Variants in SLC27A2 observed in about 807,000 individuals in gnomAD.
SLC27A2 encodes long-chain fatty acid transport protein 2.
Under a neutral mutation model 60.0 loss-of-function variants are expected in SLC27A2, and 54 were observed. The ratio of observed to expected loss-of-function variants is 0.90; its 90% confidence interval spans 0.72 to 1.13. The LOEUF (loss-of-function observed/expected upper bound fraction) is 1.13. Ranked by LOEUF, SLC27A2 falls within the 50% of genes most tolerant of loss-of-function variation. The probability of loss-of-function intolerance (pLI) is 0.00; values close to 1 mark genes in which losing one functional copy is unlikely to be tolerated. For synonymous variants in SLC27A2, 297 were observed against 297.6 expected (o/e 1.00, Z 0.02); for missense variants, 739 against 777.6 (o/e 0.95, Z 0.59).
chr15:50,193,579 T>C (rs1208131053), intron 1 of SLC27A2, among the ~76,000 whole-genome samples: 2 of 152,198 alleles, frequency 1.3e-5, no homozygotes, highest in African/African-American at 4.8e-5. Flanking sequence ...TGTTTTAAAA[T>C]TTGCCTCTGT....
chr15:50,233,134 T>G (rs1377790281), intron 8 of SLC27A2, among the ~76,000 whole-genome samples: 3 of 152,188 alleles, frequency 2.0e-5, no homozygotes, highest in African/African-American at 7.2e-5. Flanking sequence ...CTCTTGGGAC[T>G]AATGGGCCTT....
rs78362296 is a variant in SLC27A2, at chr15:50,197,429, C to G, written c.479-71C>G. 2.2e-3 allele frequency: 2,475 copies of G among 1,150,272 alleles called. 43 individuals carry two copies. The African/African-American group carries it at 0.034, about 16-fold the overall frequency. 71.3% of individuals were successfully genotyped at this position (1,150,272 alleles called of 1,614,324 possible). On this transcript the variant is annotated intron_variant, in intron 1 of 9. Transcript: ENST00000267842. ...TTATGCTGAAAATAAAATTATGATG[C>G]TTGTTGAAGCACTAATAGAACTTTA... is the stretch of plus-strand genomic sequence containing the variant.
In SLC27A2 at chr15:50,225,064, C is replaced by T. The variant is rs1364833665; in HGVS notation, c.1168-924C>T. ...TTGATGTAGAAAAGAACATTTATTA[C>T]TACCTATAAATTTTTTACATTCCTG... On this transcript the variant is annotated intron_variant, in intron 5 of 9. Transcript: ENST00000267842. Among the ~76,000 whole-genome samples the T allele has an allele frequency of 2.6e-5, 4 of 152,014 alleles. No homozygotes were observed. In the East Asian group the frequency reaches 7.7e-4, roughly 29 times the overall value.
At chr15:50,215,838 A>T (rs2045191071) in intron 4 of SLC27A2, among the ~76,000 whole-genome samples, 1 of 152,240 alleles carries the variant, frequency 6.6e-6, no homozygotes, top group South Asian at 2.1e-4. Flanking sequence ...CTTAAACCTG[A>T]CACGCGAAAC....
chr15:50,210,402 C>A (rs1258349259), intron 4 of SLC27A2, among the ~76,000 whole-genome samples: 2 of 152,196 alleles, frequency 1.3e-5, no homozygotes, highest in African/African-American at 4.8e-5. Flanking sequence ...TGTAGAACTT[C>A]CCGACTTTAC....
intron 4 of SLC27A2, among the ~76,000 whole-genome samples, chr15:50,217,582 G>C (rs547423504): frequency 6.6e-6 from 1 of 152,220 alleles, no homozygotes; most frequent in East Asian, 1.9e-4. Flanking sequence ...TGGGCTCACT[G>C]CCTCGTCAAC....
chr15:50,200,185 T>C (rs984828520), intron 2 of SLC27A2, among the ~76,000 whole-genome samples: 3 of 152,180 alleles, frequency 2.0e-5, no homozygotes, highest in Non-Finnish European at 2.9e-5. Flanking sequence ...TCTCAACACT[T>C]TGGGGCCAAG....
At chr15:50,215,581 T>G (rs916708851) in intron 4 of SLC27A2, among the ~76,000 whole-genome samples, 3 of 152,194 alleles carry the variant, frequency 2.0e-5, no homozygotes, top group Admixed American at 1.3e-4. Flanking sequence ...AAGGCCATAG[T>G]CACCAAAACA....
At position 50,197,660 on chromosome 15, in the gene SLC27A2, A is replaced by T; in HGVS notation, c.639A>T (p.Glu213Asp). Reference sequence around the variant, plus strand: ...CTATCCCAGAGTCATGGAGGTCTGAAGTCACTTTTTCCACTCCTGCCTTAT... The same window carrying T: ...CTATCCCAGAGTCATGGAGGTCTGATGTCACTTTTTCCACTCCTGCCTTAT... Reference protein sequence around the residue: ...TEPIPESWRSEVTFSTPALYI... With the variant: ...TEPIPESWRSDVTFSTPALYI... Residue 213 changes from glutamate (E) to aspartate (D), a missense_variant, in exon 2 of 10, where the codon GAA becomes GAT. Transcript: ENST00000267842. 6.2e-7 allele frequency: 1 copy of T among 1,614,134 alleles called. No homozygotes were observed. The highest frequency in any genetic ancestry group is 1.1e-5 in the South Asian group (1 of 91,078).
chr15:50,199,407 G>A (rs772218058), intron 2 of SLC27A2, among the ~76,000 whole-genome samples: 2 of 151,442 alleles, frequency 1.3e-5, no homozygotes, highest in African/African-American at 2.4e-5. Context: ...GAACCAGGGA[G>A]GCGGAGCTTG....
rs1336518783 is a variant in SLC27A2 at position 50,226,074 on chromosome 15, C to G, written c.1254C>G (p.Pro418=). The change falls in exon 6 of 10, where the codon CCC becomes CCG. Residue 418 remains proline, a synonymous_variant. Coordinates refer to ENST00000267842, the MANE Select transcript of SLC27A2 (RefSeq NM_003645.4). ...AAAATGGATATTGCGTCAGAGTTCC[C>G]AAAGGTACAGTGGACTTTTGTTCAA... ...RDENGYCVRV[P]KGEVGLLVCK... 5.6e-6 allele frequency: 9 copies of G among 1,601,376 alleles called. No individual in the cohort carries two copies. The highest frequency in any genetic ancestry group is 7.7e-6 in the Non-Finnish European group (9 of 1,168,656).
At chr15:50,218,469 A>G (rs1320735202) in intron 4 of SLC27A2, among the ~76,000 whole-genome samples, 1 of 152,214 alleles carries the variant, frequency 6.6e-6, no homozygotes, top group Non-Finnish European at 1.5e-5. Context: ...TGGAGTAGCC[A>G]ATAAAATTAG....
intron 4 of SLC27A2, among the ~76,000 whole-genome samples, chr15:50,213,031 C>A (rs557115012): frequency 2.0e-5 from 3 of 152,314 alleles, no homozygotes; most frequent in East Asian, 3.9e-4. Context: ...GATAAGAACT[C>A]ACCAACCAAC....
intron 1 of SLC27A2, among the ~76,000 whole-genome samples, chr15:50,186,225 T>C (rs562532272): frequency 3.7e-4 from 56 of 152,030 alleles, no homozygotes; most frequent in Admixed American, 1.0e-3. Context: ...GCCTGGGTGA[T>C]AGAGTGAGAC....
At chr15:50,195,322 A>AAAAAAC (rs1555500372) in intron 1 of SLC27A2, among the ~76,000 whole-genome samples, 3 of 150,288 alleles carry the variant, frequency 2.0e-5, no homozygotes, top group Non-Finnish European at 4.4e-5. Flanking sequence ...AAAAAAAAAA[A>AAAAAAC]AAAAACAAAA....
rs758728862 is a variant in SLC27A2, at chr15:50,229,041, A to G, written c.1554A>G (p.Pro518=). The G allele has an allele frequency of 6.3e-7, 1 of 1,595,286 alleles. No individual in the cohort carries two copies. Among genetic ancestry groups the G allele is most frequent in the Non-Finnish European group, 8.6e-7 (1 of 1,166,264 alleles). The change falls in exon 8 of 10, where the codon CCA becomes CCG. Residue 518 remains proline, a splice_region_variant and synonymous_variant. Coordinates refer to ENST00000267842, the MANE Select transcript of SLC27A2 (RefSeq NM_003645.4). ...QEVNVYGVHV[P]DHEGRIGMAS... is the part of the protein sequence containing the mutation. Reference sequence around the variant, plus strand: ...TAAATGTTTATGGAGTGCATGTGCCAGGTATATACAAGATATGATCTGTAC... The same window carrying G: ...TAAATGTTTATGGAGTGCATGTGCCGGGTATATACAAGATATGATCTGTAC...
At position 50,202,620 on chromosome 15, in the gene SLC27A2, T is replaced by C; in HGVS notation, c.822T>C (p.Ile274=). 5 of 1,614,168 alleles carry C rather than the reference T, an allele frequency of 3.1e-6. No homozygotes were observed. Among genetic ancestry groups the C allele is most frequent in the Non-Finnish European group, 3.4e-6 (4 of 1,179,986 alleles). ...LPFYHSAALL[I]GIHGCIVAGA... is the part of the protein sequence containing the mutation. Reference sequence around the variant, plus strand: ...TTTACCACAGTGCTGCACTACTGATTGGCATTCACGGATGTATTGTGGCTG... The same window carrying C: ...TTTACCACAGTGCTGCACTACTGATCGGCATTCACGGATGTATTGTGGCTG... The change falls in exon 3 of 10, where the codon ATT becomes ATC. Residue 274 remains isoleucine (I), a synonymous_variant. Transcript: ENST00000267842.
chr15:50,182,356 C>T lies in SLC27A2; in HGVS notation c.-72C>T, dbSNP rs2044860904. 1.4e-6 allele frequency: 2 copies of T among 1,402,380 alleles called. No individual in the cohort carries two copies. The highest frequency in any genetic ancestry group is 1.9e-6 in the Non-Finnish European group (2 of 1,080,256). The allele number at this position is 1,402,380 out of a possible 1,614,324, so 86.9% of individuals were successfully genotyped here. On this transcript the variant is annotated 5_prime_UTR_variant, in exon 1 of 10. Coordinates refer to ENST00000267842, the MANE Select transcript of SLC27A2 (RefSeq NM_003645.4). ...GCAGCCCGCCAGTCCGCCCGGAGCC[C>T]GCCCAGTCGCCGCGCTGCACGCCCG...
At chr15:50,206,009 A>C (rs2045109005) in intron 4 of SLC27A2, among the ~76,000 whole-genome samples, 1 of 152,114 alleles carries the variant, frequency 6.6e-6, no homozygotes, top group Non-Finnish European at 1.5e-5. Flanking sequence ...CCCTGTTTGC[A>C]GATGTTCAGC....
Sources: allele counts gnomAD v4.1 joint callset (sites outside exome capture counted in the v4.1 genomes callset), GRCh38; gene constraint gnomAD v4.1.1; transcripts MANE v1.5; gene names NCBI Gene and HGNC (gene_info 2026-07-23, HGNC 2026-07-21).